NPR3: variants seen among roughly 807,000 people sequenced by gnomAD.
NPR3 encodes atrial natriuretic peptide receptor 3.
A neutral mutation model predicts 54.5 loss-of-function variants in NPR3; 34 were observed. The observed-to-expected ratio is 0.62, with a 90% CI of 0.47 to 0.83. NPR3 has a LOEUF of 0.83. Among genes scored for constraint, NPR3 ranks in the 40% least tolerant of loss-of-function variants. The pLI is 0.00. For missense variants in NPR3, 674 were observed against 720.8 expected, an observed-to-expected ratio of 0.94 and a Z score of 0.74; for synonymous variants, 289 against 297.1, an observed-to-expected ratio of 0.97 and a Z score of 0.28.
chr5:32,757,631 C>G (rs1740917641), intron 3 of NPR3, among the ~76,000 whole-genome samples: 1 of 152,144 alleles, frequency 6.6e-6, no homozygotes, highest in African/African-American at 2.4e-5. Flanking sequence ...GGACTTCCAA[C>G]ACTACGTTGA....
chr5:32,737,994 A>G (rs1169108834), intron 2 of NPR3, among the ~76,000 whole-genome samples: 5 of 152,132 alleles, frequency 3.3e-5, no homozygotes, highest in Non-Finnish European at 7.4e-5. Flanking sequence ...CTAATGCACT[A>G]ATGGACATTG....
upstream of NPR3, chr5:32,710,587 G>T: frequency 7.2e-7 from 1 of 1,390,596 alleles, no homozygotes; most frequent in Admixed American, 3.4e-5. Flanking sequence ...GTGGCCCAGG[G>T]GGAGGGGGCT....
chr5:32,725,124 G>A (rs973492315), intron 2 of NPR3, among the ~76,000 whole-genome samples: 7 of 152,266 alleles, frequency 4.6e-5, no homozygotes, highest in African/African-American at 1.7e-4. Context: ...GACTTCTAGG[G>A]GTGGTGGGGG....
intron 4 of NPR3, among the ~76,000 whole-genome samples, chr5:32,778,309 T>C (rs1158531584): frequency 1.3e-5 from 2 of 152,194 alleles, no homozygotes; most frequent in Non-Finnish European, 2.9e-5. Flanking sequence ...GAGAGCCCAT[T>C]TTATTTGCTA....
In NPR3 at chr5:32,774,468, C is replaced by T. The variant is rs945424394; in HGVS notation, c.1060-240C>T. 4.6e-5 allele frequency among the ~76,000 whole-genome samples: 7 copies of T among 152,148 alleles called. No homozygotes were observed. In the East Asian group the frequency reaches 1.2e-3, roughly 25 times the overall value. ...CACTTGAAATACTTGACCTGGTCAACAGGTACAGTTTTCTTGACTTCTGTA... is the reference window on the plus strand; with the variant it reads ...CACTTGAAATACTTGACCTGGTCAATAGGTACAGTTTTCTTGACTTCTGTA... On this transcript the variant is annotated intron_variant, in intron 3 of 7. Transcript: ENST00000265074.
intron 3 of NPR3, among the ~76,000 whole-genome samples, chr5:32,758,050 G>T (rs563275745): frequency 2.9e-4 from 39 of 132,532 alleles, no homozygotes; most frequent in Non-Finnish European, 5.2e-4. Context: ...AGGGATATTG[G>T]TCTAAAATTC....
intron 3 of NPR3, among the ~76,000 whole-genome samples, chr5:32,746,328 A>G (rs1448817031): frequency 6.6e-6 from 1 of 152,194 alleles, no homozygotes; most frequent in East Asian, 1.9e-4. Flanking sequence ...TTTGGAGAGA[A>G]GGGTCAGCAT....
chr5:32,776,465 G>A (rs894473879), intron 4 of NPR3, among the ~76,000 whole-genome samples: 1 of 152,136 alleles, frequency 6.6e-6, no homozygotes, highest in Non-Finnish European at 1.5e-5. Context: ...AAAGTATGTT[G>A]GTGCTTTTTA....
At chr5:32,718,666 T>C (rs1236682324) in intron 1 of NPR3, among the ~76,000 whole-genome samples, 1 of 152,212 alleles carries the variant, frequency 6.6e-6, no homozygotes, top group African/African-American at 2.4e-5. Flanking sequence ...TAATGTTGTA[T>C]AGGAATGCTT....
At chr5:32,714,234 A>G (rs1433269604) in intron 1 of NPR3, among the ~76,000 whole-genome samples, 2 of 152,116 alleles carry the variant, frequency 1.3e-5, no homozygotes, top group Non-Finnish European at 2.9e-5. Context: ...TAATGTCACT[A>G]CCCTGTAGAT....
upstream of NPR3, among the ~76,000 whole-genome samples, chr5:32,704,571 C>A (rs1214817345): frequency 6.6e-6 from 1 of 152,170 alleles, no homozygotes; most frequent in East Asian, 1.9e-4. Flanking sequence ...GATGAGGCTT[C>A]TAAATGCATG....
chr5:32,757,225 C>T (rs1247268249), intron 3 of NPR3, among the ~76,000 whole-genome samples: 4 of 152,158 alleles, frequency 2.6e-5, no homozygotes, highest in East Asian at 1.9e-4. Flanking sequence ...ATTGATTCTT[C>T]CTATCCATGA....
At chr5:32,760,968 CAA>C (rs1464428952) in intron 3 of NPR3, among the ~76,000 whole-genome samples, 1 of 152,046 alleles carries the variant, frequency 6.6e-6, no homozygotes, top group Non-Finnish European at 1.5e-5. Context: ...CGTCAAAACT[CAA>C]GTGACTATTT....
chr5:32,731,002 C>T (rs1303288475), intron 2 of NPR3, among the ~76,000 whole-genome samples: 2 of 152,096 alleles, frequency 1.3e-5, no homozygotes, highest in African/African-American at 2.4e-5. Flanking sequence ...CATTATTTTG[C>T]AGAATGTCTT....
intron 3 of NPR3, among the ~76,000 whole-genome samples, chr5:32,749,079 A>G (rs1202501097): frequency 6.6e-6 from 1 of 152,046 alleles, no homozygotes; most frequent in African/African-American, 2.4e-5. Flanking sequence ...ACAATATTTT[A>G]TCTTTCTGAG....
At chr5:32,772,795 A>G (rs935123617) in intron 3 of NPR3, among the ~76,000 whole-genome samples, 3 of 152,188 alleles carry the variant, frequency 2.0e-5, no homozygotes, top group Non-Finnish European at 4.4e-5. Context: ...TTTAAACCTA[A>G]CGACATCCCC....
At chr5:32,714,339 C>A (rs1738434438) in intron 1 of NPR3, among the ~76,000 whole-genome samples, 1 of 150,626 alleles carries the variant, frequency 6.6e-6, no homozygotes, top group Non-Finnish European at 1.5e-5. Context: ...GCCCCGGGGC[C>A]CCTCGCCCTC....
At position 32,712,532 on chromosome 5, in the gene NPR3, G is replaced by C. The variant is rs779385570; in HGVS notation, c.756G>C (p.Gln252His). 6.6e-7 allele frequency: 1 copy of C among 1,524,600 alleles called. No individual in the cohort carries two copies. Among genetic ancestry groups the C allele is most frequent in the South Asian group, 1.3e-5 (1 of 78,080 alleles). The allele number at this position is 1,524,600 out of a possible 1,614,324, so 94.4% of individuals were successfully genotyped here. Reference sequence around the variant, plus strand: ...TGGAAGACATCGTGCGCAATATCCAGGCCAGTGAGAGAGGTGAGCAGGGGC... The same window carrying C: ...TGGAAGACATCGTGCGCAATATCCACGCCAGTGAGAGAGGTGAGCAGGGGC... ...LDLEDIVRNI[Q>H]ASERVVIMCA... The change falls in exon 1 of 8, where the codon CAG (glutamine) becomes CAC (histidine). Residue 252 changes from glutamine (Q) to histidine (H), a missense_variant. Gln to His is a conservative substitution (Grantham distance 24). Transcript: ENST00000265074.
chr5:32,710,700 C>T (rs1419160073), upstream of NPR3: 2 of 1,546,382 alleles, frequency 1.3e-6, no homozygotes, highest in Non-Finnish European at 8.7e-7. Flanking sequence ...TCCTTGTTCC[C>T]TGACCTTGCG....
Sources: allele counts gnomAD v4.1 joint callset (sites outside exome capture counted in the v4.1 genomes callset), GRCh38; gene constraint gnomAD v4.1.1; transcripts MANE v1.5; gene names NCBI Gene and HGNC (gene_info 2026-07-23, HGNC 2026-07-21).